The following TMEM168 variants were observed in gnomAD, a reference collection of about 807,000 sequenced individuals.
The protein encoded by TMEM168 is transmembrane protein 168.
A neutral mutation model predicts 53.2 loss-of-function variants in TMEM168; 40 were observed. That is an observed-to-expected ratio of 0.75 (90% CI 0.58 to 0.98). The LOEUF (loss-of-function observed/expected upper bound fraction) is 0.98, where lower values mean the gene tolerates loss of function less well. TMEM168 is among the 50% of genes least tolerant of loss of function. TMEM168 has a pLI of 0.00. For missense variants in TMEM168, 771 were observed against 828.8 expected (o/e 0.93, Z 0.86); for synonymous variants, 282 against 293.0 (o/e 0.96, Z 0.38).
rs544931364 is a variant in TMEM168, at chr7:112,786,538, T to C, written c.-128-1585A>G. On this transcript the variant is annotated intron_variant, in intron 1 of 4. Coordinates refer to ENST00000312814, the MANE Select transcript of TMEM168 (RefSeq NM_022484.6). ...TTAAAGAAAATGTCTTCCTTTGGTA[T>C]ATTTTGGTTTATCTTTTTAACTTGA... Among the ~76,000 whole-genome samples the C allele has an allele frequency of 1.1e-3, 173 of 152,366 alleles. 1 individual carries two copies. Among genetic ancestry groups the C allele is most frequent in the Non-Finnish European group, 1.2e-3 (80 of 68,034 alleles).
At chr7:112,777,885 GCTGTGTGT>G (rs1793129136) in intron 2 of TMEM168, among the ~76,000 whole-genome samples, 1 of 118,548 alleles carries the variant, frequency 8.4e-6, no homozygotes, top group Non-Finnish European at 1.8e-5. Flanking sequence ...TGCTCTTGGT[GCTGTGTGT>G]GTGTGTGTGT....
intron 2 of TMEM168, among the ~76,000 whole-genome samples, chr7:112,780,393 A>G (rs941228257): frequency 6.6e-6 from 1 of 152,256 alleles, no homozygotes; most frequent in African/African-American, 2.4e-5. Flanking sequence ...ACAAAGGTTT[A>G]TAGCAGCTTT....
rs1792740559 is a variant in TMEM168, at chr7:112,765,026, G to A, written c.*2171C>T. 1 of 151,508 alleles carries A rather than the reference G, an allele frequency of 6.6e-6. No homozygotes were observed. The highest frequency in any genetic ancestry group is 1.5e-5 in the Non-Finnish European group (1 of 67,968). 9.4% of individuals were successfully genotyped at this position (151,508 alleles called of 1,614,324 possible). ...CGATGAGGTTTCCCCATGTTGGCCA[G>A]GCTGGTCTCAAACTCCTGGCCTCAA... is the stretch of plus-strand genomic sequence containing the variant. On this transcript the variant is annotated 3_prime_UTR_variant, in exon 5 of 5. Coordinates refer to ENST00000312814, the MANE Select transcript of TMEM168 (RefSeq NM_022484.6).
chr7:112,768,835 T>A (rs1792856730), intron 4 of TMEM168, among the ~76,000 whole-genome samples: 1 of 152,190 alleles, frequency 6.6e-6, no homozygotes, highest in African/African-American at 2.4e-5. Flanking sequence ...ACCTTCCCAT[T>A]TGGGAAATGG....
chr7:112,771,856 G>GA (rs374546674), intron 4 of TMEM168, among the ~76,000 whole-genome samples: 7,602 of 148,868 alleles, frequency 0.051, 258 homozygotes, highest in Non-Finnish European at 0.074. Flanking sequence ...CACTTTTATG[G>GA]AAAAAAAAAT....
chr7:112,781,451 G>T (rs1793229299), intron 2 of TMEM168, among the ~76,000 whole-genome samples: 1 of 151,974 alleles, frequency 6.6e-6, no homozygotes, highest in South Asian at 2.1e-4. Context: ...CAAATATTAG[G>T]ATATCACACA....
intron 3 of TMEM168, among the ~76,000 whole-genome samples, chr7:112,773,370 T>G (rs1193812158): frequency 1.3e-5 from 2 of 152,092 alleles, no homozygotes; most frequent in Non-Finnish European, 2.9e-5. Flanking sequence ...TTGGACAAGG[T>G]TTTTTAAAAG....
chr7:112,769,152 T>A (rs113039805), intron 4 of TMEM168, among the ~76,000 whole-genome samples: 4 of 152,316 alleles, frequency 2.6e-5, no homozygotes, highest in African/African-American at 9.6e-5. Flanking sequence ...TCCTTTAGAA[T>A]TGGGATTCTA....
At chr7:112,775,101 A>G in intron 3 of TMEM168, 75 bp downstream of exon 3, 1 of 1,250,112 alleles carries the variant, frequency 8.0e-7, no homozygotes, top group African/African-American at 1.5e-5. Context: ...AAAAGGAGCT[A>G]TATTTTATTC....
chr7:112,773,078 A>T lies in TMEM168; in HGVS notation c.1272-23T>A, dbSNP rs368262280. 4 of 1,571,926 alleles carry T rather than the reference A, an allele frequency of 2.5e-6. No individual in the cohort carries two copies. The African/African-American group carries it at 5.4e-5, about 21-fold the overall frequency. On this transcript the variant is annotated intron_variant, in intron 3 of 4. Transcript: ENST00000312814. Reference sequence around the variant, plus strand: ...GGACTGAAGTAGGAGAAAAAACAAGAAGTACTCATTCTATATCACATTCTC... The same window carrying T: ...GGACTGAAGTAGGAGAAAAAACAAGTAGTACTCATTCTATATCACATTCTC...
At chr7:112,780,535 C>G (rs769778444) in intron 2 of TMEM168, among the ~76,000 whole-genome samples, 3 of 152,122 alleles carry the variant, frequency 2.0e-5, no homozygotes, top group Non-Finnish European at 4.4e-5. Flanking sequence ...CACAGCAACA[C>G]AGATGAATCT....
intron 4 of TMEM168, among the ~76,000 whole-genome samples, chr7:112,770,804 C>T (rs879483587): frequency 6.6e-6 from 1 of 151,988 alleles, no homozygotes; most frequent in Non-Finnish European, 1.5e-5. Flanking sequence ...TTCATATAAA[C>T]ACACATAAAA....
At chr7:112,774,841 A>G (rs940349348) in intron 3 of TMEM168, among the ~76,000 whole-genome samples, 4 of 152,046 alleles carry the variant, frequency 2.6e-5, no homozygotes, top group African/African-American at 4.8e-5. Context: ...TCGGCCTCCT[A>G]AAGTGCTGGG....
chr7:112,773,888 T>C (rs1002498993), intron 3 of TMEM168, among the ~76,000 whole-genome samples: 2 of 152,190 alleles, frequency 1.3e-5, no homozygotes, highest in African/African-American at 2.4e-5. Flanking sequence ...TACAATGGAA[T>C]AAATATCTAA....
At chr7:112,770,106 A>C (rs1792890268) in intron 4 of TMEM168, among the ~76,000 whole-genome samples, 1 of 152,232 alleles carries the variant, frequency 6.6e-6, no homozygotes, top group Non-Finnish European at 1.5e-5. Flanking sequence ...TTGTCACTTA[A>C]TTTGGAATAG....
At chr7:112,771,924 T>A (rs1043950553) in intron 4 of TMEM168, among the ~76,000 whole-genome samples, 3 of 152,114 alleles carry the variant, frequency 2.0e-5, no homozygotes, top group Non-Finnish European at 2.9e-5. Flanking sequence ...TTACCTTTTT[T>A]AATGATTTAT....
chr7:112,781,610 A>T (rs1793234019), intron 2 of TMEM168, among the ~76,000 whole-genome samples: 1 of 152,188 alleles, frequency 6.6e-6, no homozygotes. Context: ...GTTTATGTTT[A>T]ACTGATTTTA....
chr7:112,784,274 A>G lies in TMEM168; in HGVS notation c.552T>C (p.Val184=). Residue 184 remains valine (V), a synonymous_variant, in exon 2 of 5, where the codon GTT becomes GTC. Transcript: ENST00000312814. ...CAATAATCAGCATAGCCAGAGCTAC[A>G]ACAAGCAAAATGACACTCAGAGACT... The part of the protein sequence containing the change: ...VEKSLSVILL[V]VALAMLIIDL... 5 of 1,614,186 alleles carry G rather than the reference A, an allele frequency of 3.1e-6. No individual in the cohort carries two copies. The highest frequency in any genetic ancestry group is 2.2e-5 in the South Asian group (2 of 91,080).
intron 3 of TMEM168, among the ~76,000 whole-genome samples, chr7:112,774,801 G>A (rs897382060): frequency 8.6e-5 from 13 of 151,880 alleles, no homozygotes; most frequent in Middle Eastern, 3.4e-3. Flanking sequence ...GGCTGGTCTC[G>A]AACTCCTGAC....
Sources: allele counts gnomAD v4.1 joint callset (sites outside exome capture counted in the v4.1 genomes callset), GRCh38; gene constraint gnomAD v4.1.1; transcripts MANE v1.5; gene names NCBI Gene and HGNC (gene_info 2026-07-23, HGNC 2026-07-21).